KRT7: variants seen among roughly 807,000 people sequenced by gnomAD.
KRT7 encodes the protein keratin 7.
In KRT7, 50 loss-of-function variants were observed where a neutral mutation model predicts 42.8. The ratio of observed to expected loss-of-function variants is 1.17; its 90% CI spans 0.93 to 1.48. The LOEUF is 1.48. Ranked by LOEUF, KRT7 falls within the 40% of genes most tolerant of loss-of-function variation. KRT7 has a pLI of 0.00. For missense variants in KRT7, 588 were observed against 637.6 expected (o/e 0.92, Z 0.84); for synonymous variants, 268 against 266.3 (o/e 1.01, Z -0.06).
chr12:52,250,038 G>A (rs1349464784), downstream of KRT7, among the ~76,000 whole-genome samples: 2 of 152,296 alleles, frequency 1.3e-5, no homozygotes, highest in East Asian at 3.9e-4. Context: ...TGGAAATGCT[G>A]AGACAAGCAC....
downstream of KRT7, among the ~76,000 whole-genome samples, chr12:52,255,682 G>T (rs1392546448): frequency 6.6e-6 from 1 of 152,130 alleles, no homozygotes; most frequent in Non-Finnish European, 1.5e-5. Context: ...CTGTTTCTGG[G>T]CTGTAACTCC....
downstream of KRT7, among the ~76,000 whole-genome samples, chr12:52,253,039 C>T (rs1474425849): frequency 2.6e-5 from 4 of 152,210 alleles, no homozygotes; most frequent in Non-Finnish European, 5.9e-5. Context: ...CATATTGCCC[C>T]AATGCCTCCA....
At position 52,238,764 on chromosome 12, in the gene KRT7, C is replaced by G. The variant is rs1210147168; in HGVS notation, c.682C>G (p.Leu228Val). ...TGATGAGATCAACTTCCTCAGGACCCTCAATGAGACGGTGAGGACCATGGA... is the reference window on the plus strand; with the variant it reads ...TGATGAGATCAACTTCCTCAGGACCGTCAATGAGACGGTGAGGACCATGGA... ...LNDEINFLRT[L>V]NETELTELQS... The change falls in exon 4 of 9, where the codon CTC becomes GTC. Residue 228 changes from leucine (L) to valine (V), a missense_variant. Transcript: ENST00000331817. 3.7e-6 allele frequency: 6 copies of G among 1,605,024 alleles called. No individual in the cohort carries two copies. Among genetic ancestry groups the G allele is most frequent in the Non-Finnish European group, 5.1e-6 (6 of 1,171,780 alleles).
chr12:52,248,323 C>A (rs1942207585), intron 8 of KRT7, 112 bp downstream of exon 8: 1 of 1,140,036 alleles, frequency 8.8e-7, no homozygotes, highest in South Asian at 1.3e-5. Flanking sequence ...CAGGAGACTC[C>A]TTCCTTTCTA....
At position 52,243,017 on chromosome 12, in the gene KRT7, G is replaced by A. The variant is rs141248492; in HGVS notation, c.864G>A (p.Glu288=). Residue 288 remains glutamate (E), a synonymous_variant, in exon 6 of 9, where the codon GAG becomes GAA. Coordinates refer to ENST00000331817, the MANE Select transcript of KRT7 (RefSeq NM_005556.4). ...TCTCTGTATGGCCCCTCCAGTTTGA[G>A]ACCCTCCAGGCCCAGGCTGGGAAGC... ...EAEAWYQTKF[E]TLQAQAGKHG... 6.8e-6 allele frequency: 11 copies of A among 1,612,594 alleles called. No individual in the cohort carries two copies. The highest frequency in any genetic ancestry group is 9.3e-6 in the Non-Finnish European group (11 of 1,179,222).
chr12:52,245,694 A>G (rs1227183522), intron 7 of KRT7, 62 bp downstream of exon 7: 13 of 1,597,038 alleles, frequency 8.1e-6, no homozygotes, highest in Middle Eastern at 2.2e-4. Flanking sequence ...GGGGCTTGAC[A>G]TTCATCCATT....
chr12:52,244,831 C>T (rs1942144679), intron 6 of KRT7, among the ~76,000 whole-genome samples: 1 of 152,146 alleles, frequency 6.6e-6, no homozygotes, highest in South Asian at 2.1e-4. Flanking sequence ...TCATGCATCT[C>T]ATGGCATCTG....
downstream of KRT7, chr12:52,252,628 T>G (rs1942284358): frequency 1.0e-6 from 1 of 987,896 alleles, no homozygotes; most frequent in South Asian, 1.7e-5. Context: ...CCCAGGCATG[T>G]TTGCACAGTG....
chr12:52,253,560 C>T, downstream of KRT7: 1 of 1,603,452 alleles, frequency 6.2e-7, no homozygotes, highest in Admixed American at 1.7e-5. Context: ...TGCATCCCTC[C>T]AACTGCCATG....
At chr12:52,254,409 C>G (rs1275157118), downstream of KRT7, 2 of 638,530 alleles carry the variant, frequency 3.1e-6, no homozygotes, top group Non-Finnish European at 3.0e-6. Context: ...GGAGACAATT[C>G]AGAACCCTTG....
downstream of KRT7, chr12:52,253,800 AC>A: frequency 1.6e-6 from 1 of 625,502 alleles, no homozygotes; most frequent in African/African-American, 1.9e-5. Context: ...AGCTTCTTAG[AC>A]CAGAGCCCTA....
At chr12:52,254,729 A>G (rs759339938), downstream of KRT7, among the ~76,000 whole-genome samples, 5 of 152,168 alleles carry the variant, frequency 3.3e-5, no homozygotes, top group Non-Finnish European at 5.9e-5. Flanking sequence ...CATGGAAGAT[A>G]ATCTAGATCT....
chr12:52,246,050 G>C (rs1241053330), intron 7 of KRT7: 2 of 189,182 alleles, frequency 1.1e-5, no homozygotes, highest in African/African-American at 4.8e-5. Context: ...GGATCTTCCA[G>C]GACGCCAGGC....
chr12:52,243,119 C>T lies in KRT7; in HGVS notation c.966C>T (p.Ile322=), dbSNP rs140473746. 1.0e-4 allele frequency: 169 copies of T among 1,612,650 alleles called. No homozygotes were observed. The highest frequency in any genetic ancestry group is 5.0e-4 in the Middle Eastern group (3 of 6,026). Residue 322 remains isoleucine (I), a synonymous_variant, in exon 6 of 9, where the codon ATC becomes ATT. Coordinates refer to ENST00000331817, the MANE Select transcript of KRT7 (RefSeq NM_005556.4). ...NRAIQRLQAE[I]DNIKNQRAKL... ...CCATCCAGAGGCTGCAGGCTGAGATCGACAACATCAAGAACCAGGTGGGAC... is the reference window on the plus strand; with the variant it reads ...CCATCCAGAGGCTGCAGGCTGAGATTGACAACATCAAGAACCAGGTGGGAC...
chr12:52,240,916 C>T (rs1443954761), intron 4 of KRT7, among the ~76,000 whole-genome samples: 1 of 149,544 alleles, frequency 6.7e-6, no homozygotes, highest in Admixed American at 6.6e-5. Flanking sequence ...AATGCTATCA[C>T]TCCCCCCTCC....
chr12:52,243,158 T>A (rs1565720353), intron 6 of KRT7, 21 bp downstream of exon 6: 2 of 1,601,726 alleles, frequency 1.2e-6, no homozygotes, highest in Non-Finnish European at 1.7e-6. Flanking sequence ...TCCTCCTGGC[T>A]TCCCCTGCTA....
chr12:52,244,785 A>C (rs1156235356), intron 6 of KRT7, among the ~76,000 whole-genome samples: 1 of 152,072 alleles, frequency 6.6e-6, no homozygotes, highest in Non-Finnish European at 1.5e-5. Flanking sequence ...CAGGTCTGGA[A>C]CCAGAGCATC....
chr12:52,252,432 G>A (rs188439866), downstream of KRT7: 66 of 1,614,122 alleles, frequency 4.1e-5, no homozygotes, highest in Non-Finnish European at 5.0e-5. Context: ...ACTGAGGGCC[G>A]CCTCACCCTG....
chr12:52,236,006 A>G (rs2121067491), intron 2 of KRT7, among the ~76,000 whole-genome samples: 1 of 152,204 alleles, frequency 6.6e-6, no homozygotes, highest in South Asian at 2.1e-4. Context: ...GCTTTTGAGG[A>G]CAGGTCTTTT....
Sources: allele counts gnomAD v4.1 joint callset (sites outside exome capture counted in the v4.1 genomes callset), GRCh38; gene constraint gnomAD v4.1.1; transcripts MANE v1.5; gene names NCBI Gene and HGNC (gene_info 2026-07-23, HGNC 2026-07-21).